The following N4BP2L2 variants were observed in gnomAD, a reference collection of about 807,000 sequenced individuals.
N4BP2L2 encodes the protein NEDD4-binding protein 2-like 2.
N4BP2L2 carries 50 observed loss-of-function variants against 56.2 expected under a neutral mutation model. The observed-to-expected ratio is 0.89, with a 90% CI of 0.71 to 1.13. N4BP2L2 has a LOEUF of 1.13. Among genes scored for constraint, N4BP2L2 ranks in the 50% most tolerant of loss-of-function variants. The probability of loss-of-function intolerance (pLI) is 0.00; values close to 1 mark genes in which losing one functional copy is unlikely to be tolerated. For synonymous variants in N4BP2L2, 203 were observed against 223.6 expected, an observed-to-expected ratio of 0.91 and a Z score of 0.82; for missense variants, 689 against 693.8, an observed-to-expected ratio of 0.99 and a Z score of 0.08.
At chr13:32,499,688 G>T (rs1255699398) in intron 6 of N4BP2L2, among the ~76,000 whole-genome samples, 1 of 152,138 alleles carries the variant, frequency 6.6e-6, no homozygotes, top group Admixed American at 6.5e-5. Context: ...TGGGCATAAA[G>T]AGTCAGAGTA....
chr13:32,437,032 C>T (rs1268921843), intron 8 of N4BP2L2, among the ~76,000 whole-genome samples: 1 of 151,896 alleles, frequency 6.6e-6, no homozygotes, highest in Admixed American at 6.6e-5. Flanking sequence ...AGGCAAGTGC[C>T]ACCACACACG....
chr13:32,535,742 A>G (rs923208682), intron 2 of N4BP2L2, 27 bp downstream of exon 2: 8 of 1,582,142 alleles, frequency 5.1e-6, no homozygotes, highest in Non-Finnish European at 6.9e-6. Flanking sequence ...TGAATTACCA[A>G]GTATTCAGTT....
At chr13:32,472,305 TGAGA>T (rs2082461730) in intron 6 of N4BP2L2, among the ~76,000 whole-genome samples, 1 of 152,198 alleles carries the variant, frequency 6.6e-6, no homozygotes, top group Admixed American at 6.5e-5. Context: ...AGTCAGTCAC[TGAGA>T]GAGAGAAACG....
Position 32,457,780 on chromosome 13 carries a change from G to A in N4BP2L2, c.366-13654C>T, listed in dbSNP as rs1344029746. On this transcript the variant is annotated intron_variant, in intron 6 of 9. Coordinates refer to the N4BP2L2 transcript ENST00000357505. ...AGTATCTACCATCATGAAAACACAT[G>A]AAAGTATAAAACTCACTGGTAGAGC... 3.9e-5 allele frequency among the ~76,000 whole-genome samples: 6 copies of A among 152,106 alleles called. No individual in the cohort carries two copies. In the South Asian group the frequency reaches 1.0e-3, roughly 26 times the overall value.
At chr13:32,445,268 A>G (rs949686774) in intron 6 of N4BP2L2, among the ~76,000 whole-genome samples, 2 of 152,188 alleles carry the variant, frequency 1.3e-5, no homozygotes, top group Non-Finnish European at 2.9e-5. Context: ...AAATAAATAA[A>G]TAAATAAATA....
chr13:32,443,434 G>T, exon 7 of N4BP2L2: 1 of 1,613,934 alleles, frequency 6.2e-7, no homozygotes, highest in Non-Finnish European at 8.5e-7. Flanking sequence ...AGATAAATTG[G>T]TTGTGAAAAA....
rs144459088 is a variant in N4BP2L2 at position 32,526,067 on chromosome 13, C to G, written c.1384+1341G>C. Among the ~76,000 whole-genome samples, 596 of 151,522 alleles carry G rather than the reference C, an allele frequency of 3.9e-3. 10 individuals carry two copies. Among genetic ancestry groups the G allele is most frequent in the Non-Finnish European group, 6.5e-3 (443 of 67,888 alleles). The stretch of plus-strand genomic sequence containing the variant: ...AAAAAAATGTTGAACCTAATCAAGC[C>G]TCTAATCTAGAGCTAATTTCCATTC... On this transcript the variant is annotated intron_variant, in intron 3 of 5. Transcript: ENST00000267068.
At chr13:32,511,799 A>G (rs2048199433) in exon 6 of N4BP2L2, 1 of 152,218 alleles carries the variant, frequency 6.6e-6, no homozygotes, top group African/African-American at 2.4e-5. Flanking sequence ...GAAAACACGT[A>G]CACAAGAAAA....
At chr13:32,514,696 T>C (rs894662692) in exon 6 of N4BP2L2, 3 of 152,194 alleles carry the variant, frequency 2.0e-5, no homozygotes, top group African/African-American at 7.2e-5. Flanking sequence ...AAATTGTAAA[T>C]TTCACATTTT....
At chr13:32,444,277 TGTTTTGAGATG>T (rs908933012) in intron 6 of N4BP2L2, among the ~76,000 whole-genome samples, 7 of 152,356 alleles carry the variant, frequency 4.6e-5, no homozygotes, top group Admixed American at 2.0e-4. Context: ...TTTGTTTGTT[TGTTTTGAGATG>T]GAGTCTCGCT....
intron 2 of N4BP2L2, among the ~76,000 whole-genome samples, chr13:32,531,446 A>G (rs980069704): frequency 1.3e-5 from 2 of 152,208 alleles, no homozygotes; most frequent in Non-Finnish European, 2.9e-5. Flanking sequence ...CATTACTTTA[A>G]TACTTTCATG....
intron 1 of N4BP2L2, among the ~76,000 whole-genome samples, chr13:32,537,373 G>A (rs1045366485): frequency 1.8e-4 from 27 of 152,016 alleles, no homozygotes; most frequent in Non-Finnish European, 5.9e-5. Context: ...ATATTTTTAT[G>A]ATATAGATAC....
intron 7 of N4BP2L2, among the ~76,000 whole-genome samples, chr13:32,439,750 T>C (rs547124978): frequency 2.0e-5 from 3 of 151,424 alleles, no homozygotes; most frequent in East Asian, 1.9e-4. Flanking sequence ...TGGTGGCTCA[T>C]GCCTGTAATC....
At chr13:32,538,514 G>A (rs542794719) in intron 1 of N4BP2L2, 104 bp downstream of exon 1, 1 of 671,534 alleles carries the variant, frequency 1.5e-6, no homozygotes, top group South Asian at 6.7e-5. Flanking sequence ...TTCACACAGA[G>A]CTTACGTCTA....
chr13:32,442,695 C>A, exon 7 of N4BP2L2: 1 of 1,613,626 alleles, frequency 6.2e-7, no homozygotes, highest in Non-Finnish European at 8.5e-7. Context: ...AAAACAGTTT[C>A]TTGTTTGTAA....
intron 6 of N4BP2L2, among the ~76,000 whole-genome samples, chr13:32,445,854 G>A (rs2076978951): frequency 6.6e-6 from 1 of 152,188 alleles, no homozygotes; most frequent in Non-Finnish European, 1.5e-5. Context: ...AGAGAAAGGA[G>A]GATTTAGGAA....
At position 32,538,604 on chromosome 13, in the gene N4BP2L2, G is replaced by GGGT; in HGVS notation, c.-1+11_-1+13dup. ...CACCGCCCCACCCTCACCTAAAACGGGGTGTCTACTCACCTTACTCTACCC... is the reference window on the plus strand; with the variant it reads ...CACCGCCCCACCCTCACCTAAAACGGGGTGGTGTCTACTCACCTTACTCTACCC... On this transcript the variant is annotated intron_variant, in intron 1 of 5. Transcript: ENST00000267068. The GGGT allele has an allele frequency of 2.0e-6, 2 of 984,884 alleles. No individual in the cohort carries two copies. The highest frequency in any genetic ancestry group is 2.4e-6 in the Non-Finnish European group (2 of 829,502). 61.0% of individuals were successfully genotyped at this position (984,884 alleles called of 1,614,324 possible). A position where few individuals can be genotyped will look rare whatever the true frequency, so the allele number is the denominator to read the frequency against.
intron 3 of N4BP2L2, chr13:32,523,269 T>C (rs2051530727): frequency 6.6e-6 from 1 of 152,192 alleles, no homozygotes; most frequent in Admixed American, 6.6e-5. Context: ...TATGCGCCTG[T>C]AGTCCCAGCT....
intron 2 of N4BP2L2, among the ~76,000 whole-genome samples, chr13:32,529,067 T>C (rs1277916650): frequency 2.0e-5 from 3 of 152,236 alleles, no homozygotes; most frequent in African/African-American, 7.2e-5. Context: ...CTGTATTGTT[T>C]AGGAAATAAC....
Sources: gnomAD v4.1 joint callset for allele counts (sites outside exome capture counted in the v4.1 genomes callset) on GRCh38, gnomAD v4.1.1 for gene constraint, MANE v1.5 for transcripts, NCBI Gene and HGNC (gene_info 2026-07-23, HGNC 2026-07-21) for gene names.